The following NXPH1 variants were observed in gnomAD, a reference collection of about 807,000 sequenced individuals.
NXPH1 encodes the protein neurexophilin 1.
NXPH1 carries 5 observed loss-of-function variants against 23.7 expected under a neutral mutation model. The observed-to-expected ratio is 0.21, with a 90% CI of 0.11 to 0.44. NXPH1 has a LOEUF of 0.44. Ranked by LOEUF, NXPH1 falls within the 20% of genes least tolerant of loss-of-function variation. The probability of loss-of-function intolerance (pLI) is 0.99; values close to 1 mark genes in which losing one functional copy is unlikely to be tolerated. For synonymous variants in NXPH1, 144 were observed against 122.2 expected (o/e 1.18, Z -1.18); for missense variants, 324 against 321.6 (o/e 1.01, Z -0.06).
At chr7:8,614,753 T>C (rs1488682438) in intron 2 of NXPH1, among the ~76,000 whole-genome samples, 1 of 152,022 alleles carries the variant, frequency 6.6e-6, no homozygotes, top group East Asian at 1.9e-4. Flanking sequence ...GCAGCTGTGA[T>C]GAAAGAATAT....
At chr7:8,489,327 G>A (rs1412662015) in intron 2 of NXPH1, among the ~76,000 whole-genome samples, 1 of 152,052 alleles carries the variant, frequency 6.6e-6, no homozygotes, top group Non-Finnish European at 1.5e-5. Flanking sequence ...GCACCATTGA[G>A]TTATCTGTTC....
At chr7:8,728,687 G>A (rs1460651711) in intron 2 of NXPH1, among the ~76,000 whole-genome samples, 1 of 151,802 alleles carries the variant, frequency 6.6e-6, no homozygotes, top group Admixed American at 6.6e-5. Context: ...CAGGGATGAA[G>A]CCCACTTGAT....
rs139240566 is a variant in NXPH1 at position 8,594,953 on chromosome 7, G to A, written c.55-156055G>A. Among the ~76,000 whole-genome samples the A allele has an allele frequency of 7.6e-3, 1,156 of 152,132 alleles. 16 individuals carry two copies. Among genetic ancestry groups the A allele is most frequent in the African/African-American group, 0.025 (1,020 of 41,514 alleles). ...CAATGCAGGAAGCAGACACCAAAAG[G>A]TGAGCAAACCTAGGTAAGACTCAAA... On this transcript the variant is annotated intron_variant, in intron 2 of 2. Coordinates refer to ENST00000405863, the MANE Select transcript of NXPH1 (RefSeq NM_152745.3).
intron 2 of NXPH1, among the ~76,000 whole-genome samples, chr7:8,641,328 G>A (rs1034255285): frequency 3.9e-5 from 6 of 152,130 alleles, no homozygotes; most frequent in South Asian, 2.1e-4. Flanking sequence ...CCTGGTGTGC[G>A]GGAGCAAGCT....
chr7:8,585,220 T>A (rs1818956950), intron 2 of NXPH1, among the ~76,000 whole-genome samples: 1 of 152,230 alleles, frequency 6.6e-6, no homozygotes, highest in African/African-American at 2.4e-5. Context: ...TTTTAAAATA[T>A]AAAGAGATGC....
At chr7:8,659,934 C>G (rs991786120) in intron 2 of NXPH1, among the ~76,000 whole-genome samples, 3 of 152,092 alleles carry the variant, frequency 2.0e-5, no homozygotes, top group African/African-American at 7.2e-5. Flanking sequence ...TGCAGATAAA[C>G]AATTTGGGGA....
At position 8,638,035 on chromosome 7, in the gene NXPH1, T is replaced by G. The variant is rs553879584; in HGVS notation, c.55-112973T>G. Among the ~76,000 whole-genome samples, 6 of 152,104 alleles carry G rather than the reference T, an allele frequency of 3.9e-5. No individual in the cohort carries two copies. In the South Asian group the frequency reaches 1.0e-3, roughly 26 times the overall value. ...AGTCAGCTAAAGAAAATTGGAGAATTGAATATAAAAATGGATGTGGTGCAG... is the reference window on the plus strand; with the variant it reads ...AGTCAGCTAAAGAAAATTGGAGAATGGAATATAAAAATGGATGTGGTGCAG... On this transcript the variant is annotated intron_variant, in intron 2 of 2. Coordinates refer to ENST00000405863, the MANE Select transcript of NXPH1 (RefSeq NM_152745.3).
intron 2 of NXPH1, among the ~76,000 whole-genome samples, chr7:8,560,871 G>T (rs1230864618): frequency 6.6e-6 from 1 of 151,604 alleles, no homozygotes; most frequent in Admixed American, 6.6e-5. Context: ...TTATCTGGTT[G>T]TATTATTTCT....
chr7:8,729,701 G>T (rs1322333095), intron 2 of NXPH1, among the ~76,000 whole-genome samples: 3 of 149,384 alleles, frequency 2.0e-5, no homozygotes, highest in African/African-American at 4.9e-5. Context: ...TGTGGTCTGA[G>T]AGATAGTTTG....
chr7:8,495,237 G>C (rs987306622), intron 2 of NXPH1, among the ~76,000 whole-genome samples: 5 of 151,830 alleles, frequency 3.3e-5, no homozygotes, highest in African/African-American at 9.7e-5. Context: ...AGGTAGTCTG[G>C]TGGTAGAATC....
intron 2 of NXPH1, among the ~76,000 whole-genome samples, chr7:8,542,635 A>G (rs893277408): frequency 2.6e-5 from 4 of 151,786 alleles, no homozygotes; most frequent in African/African-American, 9.6e-5. Flanking sequence ...TTCTCTGACC[A>G]CAGCAAAAAT....
At chr7:8,745,007 C>T (rs1780443517) in intron 2 of NXPH1, among the ~76,000 whole-genome samples, 1 of 152,148 alleles carries the variant, frequency 6.6e-6, no homozygotes, top group Non-Finnish European at 1.5e-5. Flanking sequence ...CCAGGATGAC[C>T]TACTTAAAAA....
intron 2 of NXPH1, among the ~76,000 whole-genome samples, chr7:8,712,119 C>T (rs74814747): frequency 2.2e-3 from 333 of 152,294 alleles, no homozygotes; most frequent in Non-Finnish European, 4.1e-3. Flanking sequence ...GTGACTACAG[C>T]ACTGGTATAG....
intron 2 of NXPH1, among the ~76,000 whole-genome samples, chr7:8,554,207 T>A (rs954572825): frequency 2.0e-5 from 3 of 151,624 alleles, no homozygotes; most frequent in African/African-American, 7.3e-5. Context: ...TTAGATACTA[T>A]CATTGCTTAG....
intron 2 of NXPH1, among the ~76,000 whole-genome samples, chr7:8,613,858 T>A (rs190973678): frequency 1.3e-5 from 2 of 151,952 alleles, no homozygotes; most frequent in Admixed American, 1.3e-4. Context: ...TCTATGAAAA[T>A]CATACACACA....
At chr7:8,535,608 A>G (rs955682358) in intron 2 of NXPH1, among the ~76,000 whole-genome samples, 1 of 151,964 alleles carries the variant, frequency 6.6e-6, no homozygotes, top group Admixed American at 6.6e-5. Context: ...AGAGTCTAGT[A>G]AGGGAAGAAA....
intron 2 of NXPH1, among the ~76,000 whole-genome samples, chr7:8,673,363 G>A: frequency 6.6e-6 from 1 of 152,160 alleles, no homozygotes; most frequent in East Asian, 1.9e-4. Context: ...GATATAAGTT[G>A]AGGATGGATA....
intron 2 of NXPH1, among the ~76,000 whole-genome samples, chr7:8,564,457 T>C (rs1354153924): frequency 6.6e-6 from 1 of 151,602 alleles, no homozygotes; most frequent in Non-Finnish European, 1.5e-5. Context: ...GAAGCTGTGT[T>C]GATTGTAGGT....
chr7:8,617,100 A>G (rs1045255649), intron 2 of NXPH1, among the ~76,000 whole-genome samples: 1 of 152,032 alleles, frequency 6.6e-6, no homozygotes, highest in Non-Finnish European at 1.5e-5. Context: ...GGGAAAGGGG[A>G]TGTCTACTGG....
Sources: gnomAD v4.1 joint callset for allele counts (sites outside exome capture counted in the v4.1 genomes callset) on GRCh38, gnomAD v4.1.1 for gene constraint, MANE v1.5 for transcripts, NCBI Gene and HGNC (gene_info 2026-07-23, HGNC 2026-07-21) for gene names.